LIPA: variants seen among roughly 807,000 people sequenced by gnomAD.
LIPA encodes lysosomal acid lipase/cholesteryl ester hydrolase.
A neutral mutation model predicts 40.6 loss-of-function variants in LIPA; 26 were observed. The ratio of observed to expected loss-of-function variants is 0.64; its 90% CI spans 0.47 to 0.89. LIPA has a LOEUF of 0.89. Ranked by LOEUF, LIPA falls within the 40% of genes least tolerant of loss-of-function variation. The pLI, the probability that LIPA is intolerant of heterozygous loss-of-function variation, is 0.00. For missense variants in LIPA, 455 were observed against 479.6 expected, an observed-to-expected ratio of 0.95 and a Z score of 0.48; for synonymous variants, 188 against 168.4, an observed-to-expected ratio of 1.12 and a Z score of -0.90.
At chr10:89,354,927 G>A (rs1013986015) in intron 2 of LIPA, among the ~76,000 whole-genome samples, 1 of 152,172 alleles carries the variant, frequency 6.6e-6, no homozygotes, top group African/African-American at 2.4e-5. Context: ...GTTGGGCAAA[G>A]ACAAAATCAT....
chr10:89,375,011 C>A (rs2133599243), intron 2 of LIPA, among the ~76,000 whole-genome samples: 1 of 152,344 alleles, frequency 6.6e-6, no homozygotes, highest in East Asian at 1.9e-4. Context: ...TCAGTGCCCA[C>A]TGGGAAAAAT....
rs1842600141 is a variant in LIPA, at chr10:89,214,843, C to T, written c.1185G>A (p.Met395Ile). 5.7e-6 allele frequency: 9 copies of T among 1,592,742 alleles called. No homozygotes were observed. The highest frequency in any genetic ancestry group is 7.8e-6 in the Non-Finnish European group (9 of 1,160,818). The change falls in exon 10 of 10, where the codon ATG (methionine) becomes ATA (isoleucine). Residue 395 changes from methionine to isoleucine, a missense_variant. Physicochemically the swap from Met to Ile is conservative, Grantham distance 10. Coordinates refer to ENST00000336233, the MANE Select transcript of LIPA (RefSeq NM_000235.4). The part of the protein sequence containing the change: ...WRLYNKIINL[M>I]RKYQ ...AGTCCAGCTTTCACTGATATTTCCT[C>T]ATTAGATTAATAATTTTATTATAAA...
chr10:89,261,419 C>T (rs1843206975), intron 1 of LIPA, among the ~76,000 whole-genome samples: 2 of 152,146 alleles, frequency 1.3e-5, no homozygotes, highest in African/African-American at 2.4e-5. Flanking sequence ...GCAGGAGAAT[C>T]GCTTGAACCC....
exon 2 of LIPA, chr10:89,412,883 C>T (rs1202843475): frequency 3.7e-6 from 1 of 270,978 alleles, no homozygotes; most frequent in Non-Finnish European, 7.5e-6. Flanking sequence ...CAGCGAGAGT[C>T]CGCAGCTTCA....
chr10:89,224,346 A>G (rs984003261), intron 6 of LIPA, among the ~76,000 whole-genome samples: 7 of 152,198 alleles, frequency 4.6e-5, no homozygotes, highest in African/African-American at 1.7e-4. Flanking sequence ...CTGTAATCCC[A>G]GCACTTTGAG....
chr10:89,309,861 G>A (rs2133525316), intron 1 of LIPA, among the ~76,000 whole-genome samples: 1 of 152,274 alleles, frequency 6.6e-6, no homozygotes, highest in African/African-American at 2.4e-5. Context: ...GTAATTCCCA[G>A]CCTTTTAGCC....
At chr10:89,329,853 G>A (rs1843633099) in intron 1 of LIPA, among the ~76,000 whole-genome samples, 2 of 152,148 alleles carry the variant, frequency 1.3e-5, no homozygotes, top group African/African-American at 4.8e-5. Flanking sequence ...CAGGTGGGCT[G>A]AGTCCGAAAA....
intron 3 of LIPA, among the ~76,000 whole-genome samples, chr10:89,240,909 A>C (rs1842957545): frequency 6.6e-6 from 1 of 152,206 alleles, no homozygotes. Flanking sequence ...AAAGCAATTT[A>C]CCAAGTAAAG....
intron 1 of LIPA, among the ~76,000 whole-genome samples, chr10:89,320,170 C>T (rs1051077907): frequency 2.0e-5 from 3 of 152,142 alleles, no homozygotes; most frequent in Admixed American, 6.5e-5. Flanking sequence ...GACAGGGATG[C>T]CCTCTCTCAA....
intron 1 of LIPA, chr10:89,308,280 G>A (rs891290063): frequency 6.6e-6 from 1 of 152,030 alleles, no homozygotes; most frequent in Non-Finnish European, 1.5e-5. Context: ...GATTGTAATC[G>A]AATGGAGAAA....
At chr10:89,235,889 G>A (rs1341540805) in intron 3 of LIPA, among the ~76,000 whole-genome samples, 1 of 152,136 alleles carries the variant, frequency 6.6e-6, no homozygotes, top group Non-Finnish European at 1.5e-5. Context: ...AATAAATAAT[G>A]GTCCCTGATA....
At chr10:89,298,067 A>G (rs1843425582) in intron 1 of LIPA, among the ~76,000 whole-genome samples, 2 of 152,224 alleles carry the variant, frequency 1.3e-5, no homozygotes, top group African/African-American at 4.8e-5. Context: ...ATCAGTGTAC[A>G]CTTATCAGAA....
chr10:89,386,401 T>C (rs1275594996), intron 2 of LIPA, among the ~76,000 whole-genome samples: 1 of 152,136 alleles, frequency 6.6e-6, no homozygotes, highest in Non-Finnish European at 1.5e-5. Flanking sequence ...TTTTTCAACT[T>C]TGTTGATAGT....
At chr10:89,316,278 C>G (rs189034651) in intron 1 of LIPA, among the ~76,000 whole-genome samples, 1 of 152,316 alleles carries the variant, frequency 6.6e-6, no homozygotes, top group Non-Finnish European at 1.5e-5. Flanking sequence ...CATCGCCTCA[C>G]CCGGGAAGTG....
chr10:89,245,736 C>T lies in LIPA; in HGVS notation c.169G>A (p.Asp57Asn). 6.2e-7 allele frequency: 1 copy of T among 1,607,000 alleles called. No homozygotes were observed. Among genetic ancestry groups the T allele is most frequent in the South Asian group, 1.1e-5 (1 of 90,900 alleles). ...PSEEYLVETE[D>N]GYILCLNRIP... is the part of the protein sequence containing the mutation. ...CGGTTAAGGCACAGAATATATCCAT[C>T]TTCTGTCTCAACTAGGTATTCCTCA... Residue 57 changes from aspartate to asparagine, a missense_variant, in exon 3 of 10, where the codon GAT becomes AAT. Coordinates refer to ENST00000336233, the MANE Select transcript of LIPA (RefSeq NM_000235.4).
intron 2 of LIPA, among the ~76,000 whole-genome samples, chr10:89,375,103 T>C (rs958951333): frequency 6.6e-6 from 1 of 152,182 alleles, no homozygotes; most frequent in Admixed American, 6.5e-5. Context: ...AAAGCAACAC[T>C]CACAATTACT....
At chr10:89,225,798 A>G (rs1281803814) in intron 5 of LIPA, among the ~76,000 whole-genome samples, 1 of 152,112 alleles carries the variant, frequency 6.6e-6, no homozygotes, top group South Asian at 2.1e-4. Flanking sequence ...TAATTGAATC[A>G]CGGAGGCGGT....
chr10:89,224,838 C>T (rs1326635261), intron 6 of LIPA, among the ~76,000 whole-genome samples: 2 of 152,178 alleles, frequency 1.3e-5, no homozygotes, highest in Non-Finnish European at 2.9e-5. Flanking sequence ...CCTTGCTCTC[C>T]CTGTGAGGTG....
chr10:89,403,144 A>G, intron 2 of LIPA: 11 of 1,614,082 alleles, frequency 6.8e-6, no homozygotes, highest in Non-Finnish European at 8.5e-6. Context: ...CTGCATCACC[A>G]GATAGGGCTT....
Sources: gnomAD v4.1 joint callset for allele counts (sites outside exome capture counted in the v4.1 genomes callset) on GRCh38, gnomAD v4.1.1 for gene constraint, MANE v1.5 for transcripts, NCBI Gene and HGNC (gene_info 2026-07-23, HGNC 2026-07-21) for gene names.